Variants in ARFGEF2 observed in about 807,000 individuals in gnomAD.
ARFGEF2 encodes brefeldin A-inhibited guanine nucleotide-exchange protein 2.
Under a neutral mutation model 219.9 loss-of-function variants are expected in ARFGEF2, and 74 were observed. The observed-to-expected ratio is 0.34, with a 90% CI of 0.28 to 0.41. ARFGEF2 has a LOEUF of 0.41. ARFGEF2 is among the 10% of genes least tolerant of loss of function. ARFGEF2 has a pLI of 1.00. For synonymous variants in ARFGEF2, 733 were observed against 799.2 expected, an observed-to-expected ratio of 0.92 and a Z score of 1.40; for missense variants, 1,743 against 2,218.3, an observed-to-expected ratio of 0.79 and a Z score of 4.30.
At chr20:49,016,214 T>A (rs2091528822) in intron 30 of ARFGEF2, 66 bp from the exon 31 acceptor site, 4 of 1,577,030 alleles carry the variant, frequency 2.5e-6, no homozygotes, top group Non-Finnish European at 3.5e-6. Context: ...TTGCCAGGAG[T>A]GTACAAGAAT....
intron 1 of ARFGEF2, among the ~76,000 whole-genome samples, chr20:48,924,511 CAAAAAA>C (rs11476973): frequency 2.5e-5 from 2 of 78,442 alleles, no homozygotes; most frequent in South Asian, 4.6e-4. Context: ...GACTCTGTCT[CAAAAAA>C]AAAAAAAAAA....
chr20:48,952,295 A>G (rs912065843), intron 4 of ARFGEF2, among the ~76,000 whole-genome samples: 1 of 151,656 alleles, frequency 6.6e-6, no homozygotes, highest in Admixed American at 6.6e-5. Context: ...AGCTGGGACT[A>G]CAGGTGTGTG....
chr20:48,976,192 A>G lies in ARFGEF2; in HGVS notation c.1951A>G (p.Ile651Val), dbSNP rs1278566295. The G allele has an allele frequency of 8.1e-6, 13 of 1,614,002 alleles. No individual in the cohort carries two copies. The East Asian group carries it at 2.2e-4, about 28-fold the overall frequency. ...ACAAAAAGAAATCATTGAACACGGCATCGAGCTGTGAGTGGGGCTGCCGTT... is the reference window on the plus strand; with the variant it reads ...ACAAAAAGAAATCATTGAACACGGCGTCGAGCTGTGAGTGGGGCTGCCGTT... ...KQQKEIIEHG[I>V]ELFNKKPKRG... The change falls in exon 14 of 39, where the codon ATC becomes GTC. Residue 651 changes from isoleucine (I) to valine (V), a missense_variant. This residue lies in a region of ARFGEF2 where 666 missense variants were observed against 955.4 expected (regional missense o/e 0.70). Coordinates refer to ENST00000371917, the MANE Select transcript of ARFGEF2 (RefSeq NM_006420.3).
chr20:48,952,007 A>G, intron 4 of ARFGEF2, among the ~76,000 whole-genome samples: 1 of 152,164 alleles, frequency 6.6e-6, no homozygotes. Context: ...CCACTAGGGA[A>G]TTGGGAAACT....
At chr20:48,959,345 A>G (rs2091124219) in intron 6 of ARFGEF2, among the ~76,000 whole-genome samples, 3 of 149,808 alleles carry the variant, frequency 2.0e-5, no homozygotes. Flanking sequence ...ATATCTAGTC[A>G]TATGTTTTCC....
At chr20:48,930,091 G>A (rs1404159739) in intron 1 of ARFGEF2, among the ~76,000 whole-genome samples, 1 of 152,216 alleles carries the variant, frequency 6.6e-6, no homozygotes, top group Non-Finnish European at 1.5e-5. Context: ...TTAACAGAAT[G>A]CTACTCACTG....
At chr20:48,992,771 A>G (rs777756713) in intron 21 of ARFGEF2, among the ~76,000 whole-genome samples, 38 of 152,348 alleles carry the variant, frequency 2.5e-4, no homozygotes, top group Middle Eastern at 3.4e-3. Flanking sequence ...GGCTGGGCAC[A>G]GTGGCTCACA....
intron 33 of ARFGEF2, 68 bp from the exon 34 acceptor site, chr20:49,018,816 A>G (rs1382673747): frequency 1.5e-6 from 2 of 1,300,624 alleles, no homozygotes; most frequent in South Asian, 1.2e-5. Context: ...GTGTTAAAAC[A>G]GGCACATCTC....
chr20:49,013,660 A>G lies in ARFGEF2; in HGVS notation c.4015A>G (p.Ile1339Val). 1 of 1,614,194 alleles carries G rather than the reference A, an allele frequency of 6.2e-7. No individual in the cohort carries two copies. The highest frequency in any genetic ancestry group is 8.5e-7 in the Non-Finnish European group (1 of 1,180,034). ...WFPILFELSC[I>V]INRCKLDVRT... ...CCCCATCTTATTCGAACTCTCCTGCATCATTAATAGATGCAAGTTAGATGT... is the reference window on the plus strand; with the variant it reads ...CCCCATCTTATTCGAACTCTCCTGCGTCATTAATAGATGCAAGTTAGATGT... The change falls in exon 29 of 39, where the codon ATC (isoleucine) becomes GTC (valine). Residue 1339 changes from isoleucine (I) to valine (V), a missense_variant. Coordinates refer to ENST00000371917, the MANE Select transcript of ARFGEF2 (RefSeq NM_006420.3).
intron 36 of ARFGEF2, among the ~76,000 whole-genome samples, chr20:49,027,674 T>A (rs769876563): frequency 6.6e-6 from 1 of 151,494 alleles, no homozygotes; most frequent in East Asian, 2.0e-4. Context: ...CCAGCCTGGG[T>A]GACAGAGCAA....
intron 26 of ARFGEF2, among the ~76,000 whole-genome samples, chr20:49,008,047 A>G (rs1312374366): frequency 6.6e-6 from 1 of 152,204 alleles, no homozygotes; most frequent in African/African-American, 2.4e-5. Flanking sequence ...TTCTAAAAGC[A>G]TTTTGGTGAT....
At chr20:48,932,003 A>G (rs1042000298) in intron 1 of ARFGEF2, among the ~76,000 whole-genome samples, 1 of 152,146 alleles carries the variant, frequency 6.6e-6, no homozygotes, top group Non-Finnish European at 1.5e-5. Flanking sequence ...CAGTTACAAG[A>G]CCATTGTGAT....
intron 1 of ARFGEF2, among the ~76,000 whole-genome samples, chr20:48,936,519 C>T (rs1202329920): frequency 6.6e-6 from 1 of 151,930 alleles, no homozygotes; most frequent in Non-Finnish European, 1.5e-5. Flanking sequence ...CAGAGGGTCT[C>T]CTCACTTCTC....
chr20:48,988,452 G>C (rs1356270763), intron 17 of ARFGEF2, 39 bp from the exon 18 acceptor site: 1 of 1,610,296 alleles, frequency 6.2e-7, no homozygotes. Flanking sequence ...TGGGCAATTG[G>C]ATGTTTTTTA....
chr20:48,981,266 CTGGGTTG>C (rs2091293966), intron 14 of ARFGEF2, among the ~76,000 whole-genome samples: 1 of 152,166 alleles, frequency 6.6e-6, no homozygotes, highest in African/African-American at 2.4e-5. Flanking sequence ...ATATGAAATT[CTGGGTTG>C]AAAGTTCTTT....
intron 7 of ARFGEF2, among the ~76,000 whole-genome samples, chr20:48,964,869 G>T (rs996761087): frequency 6.6e-6 from 1 of 152,118 alleles, no homozygotes; most frequent in African/African-American, 2.4e-5. Flanking sequence ...AAATGAAACA[G>T]AGTACAAATG....
intron 35 of ARFGEF2, among the ~76,000 whole-genome samples, chr20:49,024,931 G>A (rs2091592781): frequency 6.6e-6 from 1 of 152,176 alleles, no homozygotes; most frequent in African/African-American, 2.4e-5. Context: ...GGGAGGCGGA[G>A]GTTGCAGTGA....
At chr20:48,941,013 C>T (rs1228224548) in intron 1 of ARFGEF2, among the ~76,000 whole-genome samples, 186 bp from the exon 2 acceptor site, 1 of 152,176 alleles carries the variant, frequency 6.6e-6, no homozygotes, top group African/African-American at 2.4e-5. Flanking sequence ...CCTAGCCAGT[C>T]ACTCCATGTA....
At chr20:49,005,317 C>A in intron 26 of ARFGEF2, 96 bp downstream of exon 26, 1 of 1,467,752 alleles carries the variant, frequency 6.8e-7, no homozygotes, top group Non-Finnish European at 9.5e-7. Context: ...TTTTTTCCTC[C>A]CTTGTCAGTG....
Sources: gnomAD v4.1 joint callset for allele counts (sites outside exome capture counted in the v4.1 genomes callset) on GRCh38, gnomAD v4.1.1 for gene constraint, gnomAD v4.1.1 regional missense constraint, MANE v1.5 for transcripts, NCBI Gene and HGNC (gene_info 2026-07-23, HGNC 2026-07-21) for gene names.